Variants in PGAP4 observed in about 807,000 individuals in gnomAD.
PGAP4 encodes post-GPI attachment to proteins GalNAc transferase 4, also known as GPI-N-acetylgalactosamine transferase PGAP4.
PGAP4 carries 12 observed loss-of-function variants against 28.2 expected under a neutral mutation model. The observed-to-expected ratio is 0.42, with a 90% CI of 0.27 to 0.69. PGAP4 has a LOEUF of 0.69. Among genes scored for constraint, PGAP4 ranks in the 30% least tolerant of loss-of-function variants. The pLI, the probability that PGAP4 is intolerant of heterozygous loss-of-function variation, is 0.22. For synonymous variants in PGAP4, 205 were observed against 211.8 expected (o/e 0.97, Z 0.28); for missense variants, 425 against 513.5 (o/e 0.83, Z 1.67).
In PGAP4 at chr9:101,475,819, A is replaced by G. The variant is rs1826281734; in HGVS notation, c.*62T>C. 10 of 1,510,166 alleles carry G rather than the reference A, an allele frequency of 6.6e-6. 1 individual carries two copies. Among genetic ancestry groups the G allele is most frequent in the Admixed American group, 1.9e-5 (1 of 52,976 alleles). 93.5% of individuals were successfully genotyped at this position (1,510,166 alleles called of 1,614,324 possible). On this transcript the variant is annotated 3_prime_UTR_variant, in exon 2 of 2. Coordinates refer to ENST00000374848, the MANE Select transcript of PGAP4 (RefSeq NM_032342.3). ...TACCTGCAGGCAACCATGTCTAAAT[A>G]AAGAGATAAATATTTGAATCTTCAA...
At chr9:101,477,750 T>G (rs1826368655) in intron 1 of PGAP4, among the ~76,000 whole-genome samples, 1 of 152,236 alleles carries the variant, frequency 6.6e-6, no homozygotes, top group African/African-American at 2.4e-5. Context: ...CAACTATACT[T>G]AACATTGCAT....
At chr9:101,491,382 AT>A (rs1826687341), upstream of PGAP4, among the ~76,000 whole-genome samples, 1 of 152,168 alleles carries the variant, frequency 6.6e-6, no homozygotes, top group African/African-American at 2.4e-5. Context: ...GCATTTGATC[AT>A]TGCTGTTGAC....
chr9:101,529,146 C>G (rs1377263010), intron 2 of PGAP4, among the ~76,000 whole-genome samples: 2 of 143,236 alleles, frequency 1.4e-5, no homozygotes, highest in Admixed American at 7.2e-5. Context: ...TGCATGGTGT[C>G]TCTCGGCTTT....
At chr9:101,529,153 CT>C (rs36069212) in intron 2 of PGAP4, among the ~76,000 whole-genome samples, 36,930 of 130,256 alleles carry the variant, frequency 0.28, 4,471 homozygotes, top group African/African-American at 0.37. Context: ...TGTCTCTCGG[CT>C]TTTTTTTTTT....
At chr9:101,484,173 T>C (rs994703156) in intron 1 of PGAP4, among the ~76,000 whole-genome samples, 1 of 150,792 alleles carries the variant, frequency 6.6e-6, no homozygotes, top group African/African-American at 2.4e-5. Flanking sequence ...CTGTTTTGTA[T>C]GCAGTAGGAA....
intron 2 of PGAP4, among the ~76,000 whole-genome samples, chr9:101,512,514 A>G (rs1401473182): frequency 6.6e-6 from 1 of 152,156 alleles, no homozygotes; most frequent in Non-Finnish European, 1.5e-5. Context: ...CTATTTTTAC[A>G]TGGGAGGCTG....
upstream of PGAP4, among the ~76,000 whole-genome samples, chr9:101,487,471 AC>A (rs1438304238): frequency 6.6e-6 from 1 of 152,250 alleles, no homozygotes; most frequent in African/African-American, 2.4e-5. Flanking sequence ...GCCACGAGAG[AC>A]ATAACGCCTG....
intron 2 of PGAP4, among the ~76,000 whole-genome samples, chr9:101,500,784 T>C (rs141490174): frequency 2.6e-5 from 4 of 152,162 alleles, no homozygotes; most frequent in African/African-American, 9.6e-5. Flanking sequence ...AGTCTGCATT[T>C]CTGGTTTGGC....
intron 2 of PGAP4, among the ~76,000 whole-genome samples, chr9:101,510,894 C>T (rs1564100632): frequency 6.6e-6 from 1 of 152,162 alleles, no homozygotes; most frequent in Non-Finnish European, 1.5e-5. Flanking sequence ...CACTATAAAG[C>T]CTGCCACCAG....
intron 2 of PGAP4, among the ~76,000 whole-genome samples, chr9:101,525,388 G>T (rs1259510361): frequency 1.3e-5 from 2 of 151,990 alleles, no homozygotes; most frequent in African/African-American, 4.8e-5. Flanking sequence ...TAATACGTTG[G>T]TTTTAAATGT....
intron 2 of PGAP4, among the ~76,000 whole-genome samples, chr9:101,505,394 A>C (rs1588207125): frequency 6.6e-6 from 1 of 152,198 alleles, no homozygotes; most frequent in East Asian, 1.9e-4. Context: ...CAAGATTCTA[A>C]AATGGACATT....
At chr9:101,502,875 A>G (rs1022654106) in intron 2 of PGAP4, among the ~76,000 whole-genome samples, 3 of 152,102 alleles carry the variant, frequency 2.0e-5, no homozygotes, top group Non-Finnish European at 4.4e-5. Context: ...ACTTTGGGCC[A>G]AAAGTTCCTT....
At chr9:101,519,330 T>G (rs1826967661) in intron 2 of PGAP4, among the ~76,000 whole-genome samples, 1 of 152,072 alleles carries the variant, frequency 6.6e-6, no homozygotes, top group African/African-American at 2.4e-5. Flanking sequence ...GCTAATTTTT[T>G]TGTATGTTAG....
intron 1 of PGAP4, among the ~76,000 whole-genome samples, chr9:101,484,277 G>A (rs549922308): frequency 6.6e-6 from 1 of 152,004 alleles, no homozygotes; most frequent in East Asian, 1.9e-4. Flanking sequence ...GAGAAGGAGA[G>A]AGTGAGGAAG....
chr9:101,515,745 C>G (rs1279284015), intron 2 of PGAP4, among the ~76,000 whole-genome samples: 1 of 151,872 alleles, frequency 6.6e-6, no homozygotes, highest in Admixed American at 6.6e-5. Context: ...ATCTTAGAAA[C>G]ATTGAGAATT....
upstream of PGAP4, among the ~76,000 whole-genome samples, chr9:101,492,161 T>C (rs1371494956): frequency 6.6e-6 from 1 of 152,156 alleles, no homozygotes; most frequent in Admixed American, 6.6e-5. Context: ...ATGATTGTGA[T>C]ATCTTTTATC....
At chr9:101,496,352 G>A (rs1341400522) in intron 2 of PGAP4, among the ~76,000 whole-genome samples, 1 of 151,354 alleles carries the variant, frequency 6.6e-6, no homozygotes, top group Non-Finnish European at 1.5e-5. Context: ...CATGTGCAGC[G>A]AAGTCCAGCA....
chr9:101,476,707 A>T lies in PGAP4; in HGVS notation c.386T>A (p.Leu129His), dbSNP rs1314473305. 5 of 1,614,124 alleles carry T rather than the reference A, an allele frequency of 3.1e-6. No homozygotes were observed. The highest frequency in any genetic ancestry group is 4.2e-6 in the Non-Finnish European group (5 of 1,180,026). The change falls in exon 2 of 2, where the codon CTT becomes CAT. Residue 129 changes from leucine (L) to histidine (H), a missense_variant. Leu to His is a moderately conservative substitution (Grantham distance 99). Transcript: ENST00000374848. The surrounding 1 kb of genome is among the most constrained non-coding windows in gnomAD (Gnocchi z 7.0). Reference protein sequence around the residue: ...LQVVSQFHRLLQQCGPQCEGH... With the variant: ...LQVVSQFHRLHQQCGPQCEGH... ...CTCGCACTGGGGGCCACATTGCTGAAGAAGCCGGTGGAACTGGGACACAAC... is the reference window on the plus strand; with the variant it reads ...CTCGCACTGGGGGCCACATTGCTGATGAAGCCGGTGGAACTGGGACACAAC...
upstream of PGAP4, among the ~76,000 whole-genome samples, chr9:101,491,140 C>G (rs1245673498): frequency 6.6e-6 from 1 of 152,024 alleles, no homozygotes; most frequent in Non-Finnish European, 1.5e-5. Context: ...AAAATGGGTC[C>G]CCTGGGCAAA....
Sources: gnomAD v4.1 joint callset for allele counts (sites outside exome capture counted in the v4.1 genomes callset) on GRCh38, gnomAD v4.1.1 for gene constraint, Gnocchi (gnomAD v3.1) non-coding constraint, MANE v1.5 for transcripts, NCBI Gene and HGNC (gene_info 2026-07-23, HGNC 2026-07-21) for gene names.